Variants in CNTN4 observed in about 807,000 individuals in gnomAD.
CNTN4 encodes contactin 4.
CNTN4 carries 77 observed loss-of-function variants against 122.5 expected under a neutral mutation model. The ratio of observed to expected loss-of-function variants is 0.63; its 90% CI spans 0.52 to 0.76. The LOEUF is 0.76. Ranked by LOEUF, CNTN4 falls within the 30% of genes least tolerant of loss-of-function variation. The pLI, the probability that CNTN4 is intolerant of heterozygous loss-of-function variation, is 0.00. For missense variants in CNTN4, 1,256 were observed against 1,259.1 expected, an observed-to-expected ratio of 1.00 and a Z score of 0.04; for synonymous variants, 512 against 447.0, an observed-to-expected ratio of 1.15 and a Z score of -1.83.
chr3:2,114,433 C>T (rs1168983939), intron 2 of CNTN4, among the ~76,000 whole-genome samples: 2 of 152,034 alleles, frequency 1.3e-5, no homozygotes, highest in African/African-American at 4.8e-5. Flanking sequence ...GCACTCCAGT[C>T]TGGATGACAG....
At chr3:2,333,758 G>C (rs1237031144) in intron 2 of CNTN4, among the ~76,000 whole-genome samples, 1 of 152,146 alleles carries the variant, frequency 6.6e-6, no homozygotes, top group Non-Finnish European at 1.5e-5. Context: ...AATGTAATCT[G>C]TTGCTTAGTA....
intron 3 of CNTN4, among the ~76,000 whole-genome samples, chr3:2,465,314 C>G (rs1446738322): frequency 1.3e-5 from 2 of 152,120 alleles, no homozygotes; most frequent in African/African-American, 4.8e-5. Flanking sequence ...TGATTTCTCT[C>G]TTTTAAAACT....
At chr3:2,672,906 A>C (rs900885155) in intron 4 of CNTN4, among the ~76,000 whole-genome samples, 5 of 152,204 alleles carry the variant, frequency 3.3e-5, no homozygotes, top group African/African-American at 1.2e-4. Flanking sequence ...GTCCTTGCCC[A>C]GTAGGAGCTT....
chr3:2,419,501 CA>C (rs1206319984), intron 3 of CNTN4, among the ~76,000 whole-genome samples: 1 of 152,024 alleles, frequency 6.6e-6, no homozygotes, highest in Non-Finnish European at 1.5e-5. Flanking sequence ...CCCAATGTTT[CA>C]AAAAATGCTG....
intron 4 of CNTN4, among the ~76,000 whole-genome samples, chr3:2,683,274 A>G (rs1261519946): frequency 6.6e-6 from 1 of 152,012 alleles, no homozygotes. Context: ...AAAAACAGTC[A>G]TGACAAGATT....
At chr3:2,890,384 G>C (rs1386587073) in intron 10 of CNTN4, among the ~76,000 whole-genome samples, 1 of 152,086 alleles carries the variant, frequency 6.6e-6, no homozygotes, top group South Asian at 2.1e-4. Flanking sequence ...GATGATAAAA[G>C]GTGAGAAAGT....
At chr3:2,602,908 T>A (rs1308382368) in intron 4 of CNTN4, among the ~76,000 whole-genome samples, 1 of 152,194 alleles carries the variant, frequency 6.6e-6, no homozygotes, top group Non-Finnish European at 1.5e-5. Context: ...GGGGTTCCAG[T>A]GAGCAGACAT....
chr3:2,949,249 C>A (rs1346259978), intron 13 of CNTN4, among the ~76,000 whole-genome samples: 2 of 152,118 alleles, frequency 1.3e-5, no homozygotes, highest in Admixed American at 1.3e-4. Flanking sequence ...AGAGAGACCT[C>A]AAGCACATTC....
rs1878180 is a variant in CNTN4, at chr3:2,725,422, G to A, written c.56-10793G>A. On this transcript the variant is annotated intron_variant, in intron 4 of 24. Coordinates refer to ENST00000418658, the MANE Select transcript of CNTN4 (RefSeq NM_175607.3). ...TGGCTCTCTGGGAGATTCTTTATGC[G>A]TAGAAAGAATACACAAATGCATATT... 3.5e-3 allele frequency among the ~76,000 whole-genome samples: 536 copies of A among 152,174 alleles called. 4 individuals are homozygous for A. Among genetic ancestry groups the A allele is most frequent in the African/African-American group, 0.012 (509 of 41,532 alleles).
At chr3:2,538,323 A>G (rs985100274) in intron 3 of CNTN4, among the ~76,000 whole-genome samples, 1 of 152,120 alleles carries the variant, frequency 6.6e-6, no homozygotes, top group Admixed American at 6.6e-5. Context: ...TGTTTAACTC[A>G]GTTTACGTTA....
At chr3:2,950,220 C>T (rs1470879255) in intron 13 of CNTN4, among the ~76,000 whole-genome samples, 3 of 152,218 alleles carry the variant, frequency 2.0e-5, no homozygotes, top group Non-Finnish European at 2.9e-5. Flanking sequence ...GCTGTGTATT[C>T]CCACAGGCAT....
chr3:2,665,499 T>A (rs558689694), intron 4 of CNTN4, among the ~76,000 whole-genome samples: 22 of 152,294 alleles, frequency 1.4e-4, no homozygotes, highest in African/African-American at 5.3e-4. Context: ...TCTCTGGAGA[T>A]TGACATAGAG....
intron 2 of CNTN4, among the ~76,000 whole-genome samples, chr3:2,101,733 T>A (rs1419606151): frequency 6.6e-6 from 1 of 151,992 alleles, no homozygotes; most frequent in Non-Finnish European, 1.5e-5. Context: ...GACATGCTGT[T>A]ATATGATACA....
intron 2 of CNTN4, among the ~76,000 whole-genome samples, chr3:2,236,951 T>C (rs1319093182): frequency 6.6e-6 from 1 of 152,178 alleles, no homozygotes; most frequent in Non-Finnish European, 1.5e-5. Flanking sequence ...TGGCACATTT[T>C]AAGAACTGAA....
chr3:2,878,033 T>C (rs1280773498), intron 8 of CNTN4, among the ~76,000 whole-genome samples: 1 of 152,204 alleles, frequency 6.6e-6, no homozygotes, highest in Non-Finnish European at 1.5e-5. Flanking sequence ...TTTTATGACT[T>C]TAATACTAGG....
At chr3:2,139,575 C>G (rs1206196663) in intron 2 of CNTN4, among the ~76,000 whole-genome samples, 3 of 152,168 alleles carry the variant, frequency 2.0e-5, no homozygotes, top group Non-Finnish European at 4.4e-5. Context: ...CTGCCAACTA[C>G]CTCGAGCTAT....
chr3:2,155,254 G>C (rs1434431537), intron 2 of CNTN4, among the ~76,000 whole-genome samples: 1 of 152,160 alleles, frequency 6.6e-6, no homozygotes, highest in African/African-American at 2.4e-5. Context: ...TTCCTGTGCA[G>C]CAATGAAAAT....
chr3:2,195,871 A>G (rs1052684854), intron 2 of CNTN4, among the ~76,000 whole-genome samples: 2 of 152,200 alleles, frequency 1.3e-5, no homozygotes, highest in Admixed American at 1.3e-4. Context: ...TGGAGATGGA[A>G]TTACATTCTT....
intron 2 of CNTN4, among the ~76,000 whole-genome samples, chr3:2,244,225 T>C (rs2040055546): frequency 6.7e-6 from 1 of 148,498 alleles, no homozygotes; most frequent in African/African-American, 2.5e-5. Context: ...AAAAAATCTA[T>C]GTAAATGTGG....
Sources: gnomAD v4.1 joint callset for allele counts (sites outside exome capture counted in the v4.1 genomes callset) on GRCh38, gnomAD v4.1.1 for gene constraint, MANE v1.5 for transcripts, NCBI Gene and HGNC (gene_info 2026-07-23, HGNC 2026-07-21) for gene names.